SHANK2: variants seen among roughly 807,000 people sequenced by gnomAD.
The protein encoded by SHANK2 is SH3 and multiple ankyrin repeat domains protein 2.
Under a neutral mutation model 133.7 loss-of-function variants are expected in SHANK2, and 43 were observed. That is an observed-to-expected ratio of 0.32 (90% confidence interval 0.25 to 0.41). The LOEUF (loss-of-function observed/expected upper bound fraction) is 0.41. Among genes scored for constraint, SHANK2 ranks in the 10% least tolerant of loss-of-function variants. The pLI is 1.00. For synonymous variants in SHANK2, 1,017 were observed against 952.8 expected (o/e 1.07, Z -1.24); for missense variants, 1,994 against 2,235.8 (o/e 0.89, Z 2.18).
intron 17 of SHANK2, among the ~76,000 whole-genome samples, chr11:70,528,344 A>G (rs1272476078): frequency 6.6e-6 from 1 of 152,146 alleles, no homozygotes. Context: ...TCCTGGGCTG[A>G]CGCGAGGCTC....
At chr11:70,842,016 G>A (rs576526706) in intron 11 of SHANK2, among the ~76,000 whole-genome samples, 5 of 152,000 alleles carry the variant, frequency 3.3e-5, no homozygotes, top group Non-Finnish European at 5.9e-5. Flanking sequence ...TTAACCCTGG[G>A]CTCCTCCAGG....
rs544475488 is a variant in SHANK2 at position 71,153,141 on chromosome 11, G to A, written c.-12-5803C>T. On this transcript the variant is annotated intron_variant, in intron 2 of 25. Coordinates refer to ENST00000601538, the MANE Select transcript of SHANK2 (RefSeq NM_012309.5). ...CTAACCCCGTGAGGACCAGCACGCC[G>A]GGAGGCTCCGCAGAGAGAATGAAAG... Among the ~76,000 whole-genome samples the A allele has an allele frequency of 5.6e-4, 86 of 152,224 alleles. 2 individuals are homozygous for A. Among genetic ancestry groups the A allele is most frequent in the African/African-American group, 2.0e-3 (82 of 41,550 alleles).
In SHANK2 at chr11:70,469,642, CAAAA is replaced by C. The variant is rs570874992; in HGVS notation, c.*3223_*3226del. On this transcript the variant is annotated 3_prime_UTR_variant, in exon 26 of 26. Coordinates refer to ENST00000601538, the MANE Select transcript of SHANK2 (RefSeq NM_012309.5). ...GTGAAACATATTAGTATTTAAAAAA[CAAAA>C]AAAAATTGTTAATGGGAAAATCAAT... is the stretch of plus-strand genomic sequence containing the variant. 2 of 147,976 alleles carry C rather than the reference CAAAA, an allele frequency of 1.4e-5. No homozygotes were observed. The highest frequency in any genetic ancestry group is 2.0e-4 in the East Asian group (1 of 5,064). 9.2% of individuals were successfully genotyped at this position (147,976 alleles called of 1,614,324 possible). A position where few individuals can be genotyped will look rare whatever the true frequency, so the allele number is the denominator to read the frequency against.
Position 70,891,156 on chromosome 11 carries a change from C to T in SHANK2, c.1174+5345G>A, listed in dbSNP as rs532882194. Among the ~76,000 whole-genome samples the T allele has an allele frequency of 5.9e-4, 90 of 152,238 alleles. 1 individual carries two copies. Among genetic ancestry groups the T allele is most frequent in the Non-Finnish European group, 1.0e-3 (71 of 68,032 alleles). ...CAGCGTATGCGGGCTCCTCTCTAGACGGGAAGAGACTGGGGCCATATCGTC... is the reference window on the plus strand; with the variant it reads ...CAGCGTATGCGGGCTCCTCTCTAGATGGGAAGAGACTGGGGCCATATCGTC... On this transcript the variant is annotated intron_variant, in intron 11 of 25. Transcript: ENST00000601538.
intron 11 of SHANK2, among the ~76,000 whole-genome samples, chr11:70,839,767 A>G (rs1195093057): frequency 5.9e-5 from 9 of 152,196 alleles, no homozygotes; most frequent in Non-Finnish European, 1.3e-4. Flanking sequence ...CAGGCGGCTG[A>G]GTGAGGCTGG....
At chr11:70,842,485 T>A (rs1304483263) in intron 11 of SHANK2, among the ~76,000 whole-genome samples, 1 of 152,188 alleles carries the variant, frequency 6.6e-6, no homozygotes, top group African/African-American at 2.4e-5. Context: ...TCTCTCCATG[T>A]GCAAATGGTG....
intron 11 of SHANK2, among the ~76,000 whole-genome samples, chr11:70,853,376 A>G (rs1555066200): frequency 6.6e-6 from 1 of 152,226 alleles, no homozygotes; most frequent in African/African-American, 2.4e-5. Flanking sequence ...CCGTGGGGAC[A>G]GACAAGACCC....
At chr11:71,106,194 T>C (rs753945583) in intron 6 of SHANK2, among the ~76,000 whole-genome samples, 5 of 152,234 alleles carry the variant, frequency 3.3e-5, no homozygotes, top group Non-Finnish European at 5.9e-5. Flanking sequence ...AAGAGGAAGT[T>C]CTGCTTTATA....
At chr11:70,792,502 T>C (rs188366985) in intron 14 of SHANK2, among the ~76,000 whole-genome samples, 1 of 152,350 alleles carries the variant, frequency 6.6e-6, no homozygotes, top group East Asian at 1.9e-4. Flanking sequence ...GCAACTGTCA[T>C]GAGGCTATGA....
intron 9 of SHANK2, among the ~76,000 whole-genome samples, chr11:71,071,924 C>T (rs1443787623): frequency 3.3e-5 from 5 of 152,164 alleles, no homozygotes; most frequent in South Asian, 2.1e-4. Flanking sequence ...CAGCAGAGTT[C>T]CTCCTCTGAG....
chr11:70,524,065 C>T (rs527620360), intron 17 of SHANK2, among the ~76,000 whole-genome samples: 1 of 152,302 alleles, frequency 6.6e-6, no homozygotes, highest in East Asian at 1.9e-4. Context: ...GACATGGCTG[C>T]CCCTGGGCTA....
At chr11:70,933,925 AC>A (rs1950535335) in intron 10 of SHANK2, among the ~76,000 whole-genome samples, 1 of 150,116 alleles carries the variant, frequency 6.7e-6, no homozygotes, top group South Asian at 2.1e-4. Flanking sequence ...CAAAAAACAA[AC>A]AAACAAACAA....
chr11:71,189,550 C>T (rs2135575059), intron 2 of SHANK2, among the ~76,000 whole-genome samples: 1 of 152,300 alleles, frequency 6.6e-6, no homozygotes, highest in South Asian at 2.1e-4. Context: ...GAGCACAACC[C>T]CCACACCCAG....
chr11:70,745,608 A>G (rs1946622259), intron 14 of SHANK2, among the ~76,000 whole-genome samples: 3 of 152,120 alleles, frequency 2.0e-5, no homozygotes, highest in Non-Finnish European at 4.4e-5. Context: ...TGGAACTCAG[A>G]GAGCCCCAAT....
intron 2 of SHANK2, among the ~76,000 whole-genome samples, chr11:71,171,414 G>A (rs1004751625): frequency 2.0e-5 from 3 of 152,178 alleles, no homozygotes; most frequent in African/African-American, 7.2e-5. Flanking sequence ...GGGATCTGGG[G>A]ATCATTCAGC....
At position 70,485,535 on chromosome 11, in the gene SHANK2, C is replaced by T. The variant is rs782182869; in HGVS notation, c.4758G>A (p.Pro1586=). Residue 1586 remains proline (P), a synonymous_variant, in exon 25 of 26, where the codon CCG becomes CCA. Coordinates refer to ENST00000601538, the MANE Select transcript of SHANK2 (RefSeq NM_012309.5). This position sits in a 1 kb window ranked among gnomAD's most constrained non-coding sequence, Gnocchi z 5.8. The part of the protein sequence containing the change: ...VIPPPAPPPP[P]GSAQPGMAKV... ...TGGCCATCCCAGGCTGGGCACTGCCCGGCGGGGGCGGGGGAGCGGGCGGGG... is the reference window on the plus strand; with the variant it reads ...TGGCCATCCCAGGCTGGGCACTGCCTGGCGGGGGCGGGGGAGCGGGCGGGG... 16 of 1,612,540 alleles carry T rather than the reference C, an allele frequency of 9.9e-6. No homozygotes were observed. The highest frequency in any genetic ancestry group is 8.0e-5 in the African/African-American group (6 of 74,878).
intron 14 of SHANK2, among the ~76,000 whole-genome samples, chr11:70,771,400 G>T (rs894089516): frequency 6.6e-6 from 1 of 152,188 alleles, no homozygotes; most frequent in Non-Finnish European, 1.5e-5. Flanking sequence ...ACCCAGGTGG[G>T]GCCCATCCCA....
intron 12 of SHANK2, among the ~76,000 whole-genome samples, chr11:70,808,106 C>T (rs1555052419): frequency 6.6e-6 from 1 of 152,064 alleles, no homozygotes. Context: ...GCACAGCACT[C>T]GAATGTATTC....
At chr11:71,134,457 T>TG (rs1555104392) in intron 3 of SHANK2, among the ~76,000 whole-genome samples, 3 of 134,088 alleles carry the variant, frequency 2.2e-5, no homozygotes, top group Non-Finnish European at 4.7e-5. Flanking sequence ...TTTTTTTTTT[T>TG]GAGACGGAGT....
Sources: gnomAD v4.1 joint callset for allele counts (sites outside exome capture counted in the v4.1 genomes callset) on GRCh38, gnomAD v4.1.1 for gene constraint, Gnocchi (gnomAD v3.1) non-coding constraint, MANE v1.5 for transcripts, NCBI Gene and HGNC (gene_info 2026-07-23, HGNC 2026-07-21) for gene names.